PTPRC: variants seen among roughly 807,000 people sequenced by gnomAD.
PTPRC encodes receptor-type tyrosine-protein phosphatase C.
Under a neutral mutation model 155.9 loss-of-function variants are expected in PTPRC, and 44 were observed. That is an observed-to-expected ratio of 0.28 (90% CI 0.22 to 0.36). The LOEUF (loss-of-function observed/expected upper bound fraction) is 0.36, where lower values mean the gene tolerates loss of function less well. Among genes scored for constraint, PTPRC ranks in the 10% least tolerant of loss-of-function variants. PTPRC has a pLI of 1.00. For missense variants in PTPRC, 1,401 were observed against 1,564.6 expected, an observed-to-expected ratio of 0.90 and a Z score of 1.76; for synonymous variants, 525 against 533.1, an observed-to-expected ratio of 0.98 and a Z score of 0.21.
chr1:198,687,244 C>T (rs1175036628), intron 2 of PTPRC, among the ~76,000 whole-genome samples: 1 of 152,142 alleles, frequency 6.6e-6, no homozygotes, highest in East Asian at 1.9e-4. Flanking sequence ...CCTCTCCCTC[C>T]CAAAGTTCTG....
At chr1:198,752,979 A>AAGTT (rs1480839417) in intron 31 of PTPRC, among the ~76,000 whole-genome samples, 1 of 152,030 alleles carries the variant, frequency 6.6e-6, no homozygotes, top group East Asian at 1.9e-4. Flanking sequence ...CAATAATTTT[A>AAGTT]AGTTGTGTTT....
chr1:198,699,927 C>T, intron 5 of PTPRC: 1 of 630,722 alleles, frequency 1.6e-6, no homozygotes, highest in Non-Finnish European at 2.8e-6. Flanking sequence ...CAAAAATCTG[C>T]TCAGGAGGAA....
intron 2 of PTPRC, among the ~76,000 whole-genome samples, chr1:198,668,658 G>A (rs1664462838): frequency 1.3e-5 from 2 of 152,182 alleles, no homozygotes; most frequent in South Asian, 4.1e-4. Flanking sequence ...TAATTACATA[G>A]TTTATAGAAA....
At chr1:198,694,689 T>C (rs1666106448) in intron 3 of PTPRC, 2 of 979,556 alleles carry the variant, frequency 2.0e-6, no homozygotes, top group Admixed American at 6.2e-5. Context: ...TTAATGTGAA[T>C]AGAAAGAATT....
intron 2 of PTPRC, among the ~76,000 whole-genome samples, chr1:198,643,183 T>G (rs193083249): frequency 6.6e-6 from 1 of 151,908 alleles, no homozygotes; most frequent in Non-Finnish European, 1.5e-5. Flanking sequence ...CATTTCAATC[T>G]GCTCTTTTTT....
chr1:198,729,360 A>G (rs1031505739), intron 17 of PTPRC, among the ~76,000 whole-genome samples, 189 bp downstream of exon 17: 2 of 152,066 alleles, frequency 1.3e-5, no homozygotes, highest in Non-Finnish European at 2.9e-5. Context: ...CATGTGCCTC[A>G]GCTTCCCAAG....
At chr1:198,732,260 C>G in intron 18 of PTPRC, 40 bp from the exon 19 acceptor site, 1 of 1,479,644 alleles carries the variant, frequency 6.8e-7, no homozygotes. Context: ...ATTATTTTTC[C>G]TGAATCTGCT....
intron 2 of PTPRC, among the ~76,000 whole-genome samples, chr1:198,670,438 T>C (rs539621593): frequency 6.6e-6 from 1 of 152,206 alleles, no homozygotes; most frequent in African/African-American, 2.4e-5. Flanking sequence ...CAAAATAGCT[T>C]GGGACACATT....
chr1:198,644,658 T>C (rs1662839064), intron 2 of PTPRC, among the ~76,000 whole-genome samples: 1 of 151,778 alleles, frequency 6.6e-6, no homozygotes, highest in African/African-American at 2.4e-5. Context: ...TTCCTACTCT[T>C]TCATCTAGGA....
chr1:198,716,041 A>T (rs1000064798), intron 12 of PTPRC, among the ~76,000 whole-genome samples: 1 of 152,134 alleles, frequency 6.6e-6, no homozygotes. Context: ...CAGGTTTGTC[A>T]CTAAACTCAA....
chr1:198,732,731 G>A (rs1047936472), intron 20 of PTPRC, among the ~76,000 whole-genome samples, 175 bp downstream of exon 20: 1 of 151,672 alleles, frequency 6.6e-6, no homozygotes, highest in African/African-American at 2.4e-5. Context: ...GTGACTATTG[G>A]TATTAGGTAT....
chr1:198,656,060 A>T (rs1353756820), intron 2 of PTPRC, among the ~76,000 whole-genome samples: 3 of 152,138 alleles, frequency 2.0e-5, no homozygotes. Flanking sequence ...AACTTAAAAG[A>T]TTCACAGGTG....
At position 198,756,382 on chromosome 1, in the gene PTPRC, T is replaced by TAAA; in HGVS notation, c.*203_*205dup. Reference sequence around the variant, plus strand: ...AGTTTGTACAGACGTATGCTTATTTTAAAATTTTATCTCTTATTCAGTAAA... The same window carrying TAAA: ...AGTTTGTACAGACGTATGCTTATTTTAAAAAAATTTTATCTCTTATTCAGTAAA... On this transcript the variant is annotated 3_prime_UTR_variant, in exon 33 of 33. Transcript: ENST00000442510. 1 of 683,802 alleles carries TAAA rather than the reference T, an allele frequency of 1.5e-6. No homozygotes were observed. Among genetic ancestry groups the TAAA allele is most frequent in the Non-Finnish European group, 2.4e-6 (1 of 420,414 alleles). 42.4% of individuals were successfully genotyped at this position (683,802 alleles called of 1,614,324 possible). A position where few individuals can be genotyped will look rare whatever the true frequency, so the allele number is the denominator to read the frequency against.
At chr1:198,736,707 A>G (rs547191007) in intron 23 of PTPRC, among the ~76,000 whole-genome samples, 1 of 151,836 alleles carries the variant, frequency 6.6e-6, no homozygotes, top group African/African-American at 2.4e-5. Context: ...TATACCTAGC[A>G]GTGGGATTGC....
At chr1:198,646,877 T>C (rs3767734) in intron 2 of PTPRC, among the ~76,000 whole-genome samples, 1 of 151,898 alleles carries the variant, frequency 6.6e-6, no homozygotes, top group East Asian at 1.9e-4. Flanking sequence ...AAATAGTGTG[T>C]GGGGAAAGTG....
At chr1:198,652,720 G>T (rs1160873502) in intron 2 of PTPRC, among the ~76,000 whole-genome samples, 7 of 151,726 alleles carry the variant, frequency 4.6e-5, no homozygotes, top group Non-Finnish European at 1.0e-4. Flanking sequence ...GAACCCAGGA[G>T]TCCATCCAGA....
In PTPRC at chr1:198,712,933, C is replaced by T. The variant is rs745366599; in HGVS notation, c.1172-20C>T. The T allele has an allele frequency of 3.7e-6, 6 of 1,604,212 alleles. No homozygotes were observed. The highest frequency in any genetic ancestry group is 2.2e-5 in the South Asian group (2 of 90,868). ...ATGTCTTATTTTTCATATTACATAACATTCTTATTCTTTTAACAGGTCCAG... is the reference window on the plus strand; with the variant it reads ...ATGTCTTATTTTTCATATTACATAATATTCTTATTCTTTTAACAGGTCCAG... On this transcript the variant is annotated intron_variant, in intron 11 of 32. Coordinates refer to ENST00000442510, the MANE Select transcript of PTPRC (RefSeq NM_002838.5).
intron 2 of PTPRC, among the ~76,000 whole-genome samples, chr1:198,669,296 T>A (rs987204523): frequency 6.6e-6 from 1 of 152,178 alleles, no homozygotes; most frequent in African/African-American, 2.4e-5. Flanking sequence ...AGGCTCTTTA[T>A]CTCTGACTGG....
At chr1:198,705,725 T>G (rs1275193233) in intron 8 of PTPRC, among the ~76,000 whole-genome samples, 1 of 152,162 alleles carries the variant, frequency 6.6e-6, no homozygotes, top group Non-Finnish European at 1.5e-5. Context: ...CTGGCCCACT[T>G]ACAGATTTGT....
Sources: allele counts gnomAD v4.1 joint callset (sites outside exome capture counted in the v4.1 genomes callset), GRCh38; gene constraint gnomAD v4.1.1; transcripts MANE v1.5; gene names NCBI Gene and HGNC (gene_info 2026-07-23, HGNC 2026-07-21).